Variants in KIF26A observed in about 807,000 individuals in gnomAD.
KIF26A encodes the protein kinesin family member 26A, also known as kinesin-like protein KIF26A.
A neutral mutation model predicts 126.0 loss-of-function variants in KIF26A; 74 were observed. The ratio of observed to expected loss-of-function variants is 0.59; its 90% CI spans 0.49 to 0.71. The LOEUF (loss-of-function observed/expected upper bound fraction) is 0.71. Among genes scored for constraint, KIF26A ranks in the 30% least tolerant of loss-of-function variants. The pLI is 0.00. For missense variants in KIF26A, 2,984 were observed against 2,763.3 expected (o/e 1.08, Z -1.79); for synonymous variants, 1,445 against 1,232.7 (o/e 1.17, Z -3.61).
chr14:104,163,448 G>C (rs556054834), intron 4 of KIF26A, among the ~76,000 whole-genome samples: 1 of 152,118 alleles, frequency 6.6e-6, no homozygotes, highest in Non-Finnish European at 1.5e-5. Flanking sequence ...TTTGGGCGAC[G>C]AGGGCACAAG....
chr14:104,160,188 C>T (rs892525476), intron 4 of KIF26A, among the ~76,000 whole-genome samples: 3 of 152,150 alleles, frequency 2.0e-5, no homozygotes, highest in African/African-American at 4.8e-5. Context: ...TCTCAGGGAG[C>T]GGGCTTTGAG....
At chr14:104,155,540 C>G (rs1463577052) in intron 3 of KIF26A, among the ~76,000 whole-genome samples, 1 of 152,120 alleles carries the variant, frequency 6.6e-6, no homozygotes, top group Non-Finnish European at 1.5e-5. Flanking sequence ...CGCCCGCCCC[C>G]CCTCTCTTCT....
chr14:104,176,008 A>T lies in KIF26A; in HGVS notation c.3220A>T (p.Ser1074Cys). Residue 1074 changes from serine to cysteine, a missense_variant, in exon 12 of 15, where the codon AGC (serine) becomes TGC (cysteine). Coordinates refer to ENST00000423312, the MANE Select transcript of KIF26A (RefSeq NM_015656.2). ...RALASGSRPV[S>C]IISSINDEFD... is the part of the protein sequence containing the mutation. ...CCTGGCCTCGGGGTCCCGGCCAGTC[A>T]GCATCATCAGCAGCATCAATGATGA... 1 of 1,587,970 alleles carries T rather than the reference A, an allele frequency of 6.3e-7. No individual in the cohort carries two copies. Among genetic ancestry groups the T allele is most frequent in the Non-Finnish European group, 8.5e-7 (1 of 1,173,224 alleles).
chr14:104,144,989 C>T (rs11626880), intron 2 of KIF26A, among the ~76,000 whole-genome samples: 16,762 of 152,212 alleles, frequency 0.11, 1,054 homozygotes, highest in Middle Eastern at 0.15. Context: ...GGTCTGGCCT[C>T]TGGAAGTCCT....
intron 4 of KIF26A, among the ~76,000 whole-genome samples, chr14:104,160,480 G>A (rs2037823289): frequency 6.6e-6 from 1 of 152,230 alleles, no homozygotes; most frequent in South Asian, 2.1e-4. Flanking sequence ...CATAGATAGA[G>A]CAGGGGCTGA....
chr14:104,178,413 G>A (rs993910717), intron 12 of KIF26A, 137 bp from the exon 13 acceptor site: 15 of 643,534 alleles, frequency 2.3e-5, no homozygotes, highest in African/African-American at 2.1e-4. Context: ...TGGGCAGAGC[G>A]CCAGCCTGAG....
intron 2 of KIF26A, among the ~76,000 whole-genome samples, chr14:104,143,312 C>G (rs1484586412): frequency 6.6e-6 from 1 of 152,192 alleles, no homozygotes; most frequent in Non-Finnish European, 1.5e-5. Context: ...TCCGGGTGGC[C>G]CCTGTGTACA....
At chr14:104,139,470 C>G (rs1328974107) in intron 2 of KIF26A, among the ~76,000 whole-genome samples, 182 bp downstream of exon 2, 1 of 152,234 alleles carries the variant, frequency 6.6e-6, no homozygotes, top group Admixed American at 6.5e-5. Context: ...CATGTGTGAG[C>G]TAGGGAGCTC....
intron 4 of KIF26A, among the ~76,000 whole-genome samples, chr14:104,165,269 ATCTC>A (rs1220096584): frequency 2.3e-5 from 3 of 130,482 alleles, no homozygotes; most frequent in African/African-American, 9.0e-5. Flanking sequence ...GTGTGTCTGT[ATCTC>A]TATGCATGTG....
chr14:104,143,189 G>GC (rs986369588), intron 2 of KIF26A, among the ~76,000 whole-genome samples: 1 of 152,196 alleles, frequency 6.6e-6, no homozygotes, highest in Non-Finnish European at 1.5e-5. Context: ...TCATCCTTAT[G>GC]CCCCCAAGAG....
In KIF26A at chr14:104,173,779, G is replaced by A. The variant is rs1223513704; in HGVS notation, c.1941G>A (p.Glu647=). 6.2e-7 allele frequency: 1 copy of A among 1,607,782 alleles called. No individual in the cohort carries two copies. Among genetic ancestry groups the A allele is most frequent in the Non-Finnish European group, 8.5e-7 (1 of 1,179,446 alleles). Residue 647 remains glutamate (E), a synonymous_variant, in exon 10 of 15, where the codon GAG becomes GAA. Transcript: ENST00000423312. Reference sequence around the variant, plus strand: ...AGGCGGCGGCTGGCAGGGCCGGGGAGGCTGCTGGGGGTCCCCTGTGTCTGT... The same window carrying A: ...AGGCGGCGGCTGGCAGGGCCGGGGAAGCTGCTGGGGGTCCCCTGTGTCTGT... ...SCEAAAGRAG[E]AAGGPLCLSL...
chr14:104,172,924 T>G, intron 7 of KIF26A, 53 bp from the exon 8 acceptor site: 1 of 1,508,500 alleles, frequency 6.6e-7, no homozygotes, highest in Non-Finnish European at 8.9e-7. Context: ...CCAGTAGCCA[T>G]AAAGGCTCCT....
intron 5 of KIF26A, among the ~76,000 whole-genome samples, chr14:104,170,492 G>T (rs555939009): frequency 2.0e-5 from 3 of 152,222 alleles, no homozygotes; most frequent in Non-Finnish European, 2.9e-5. Flanking sequence ...TTTTGCCGGC[G>T]TTATGTATCT....
At chr14:104,146,294 G>A (rs1386620001) in intron 2 of KIF26A, among the ~76,000 whole-genome samples, 1 of 152,170 alleles carries the variant, frequency 6.6e-6, no homozygotes, top group Admixed American at 6.5e-5. Context: ...TTGCCTGCTG[G>A]GTGATTGGGA....
In KIF26A at chr14:104,165,557, CTG is replaced by C. The variant is rs528990853; in HGVS notation, c.924-1296_924-1295del. 6.7e-5 allele frequency among the ~76,000 whole-genome samples: 9 copies of C among 135,058 alleles called. No individual in the cohort carries two copies. In the East Asian group the frequency reaches 6.7e-4, roughly 10 times the overall value. 88.6% of individuals were successfully genotyped at this position (135,058 alleles called of 152,430 possible). On this transcript the variant is annotated intron_variant, in intron 4 of 14. Transcript: ENST00000423312. The stretch of plus-strand genomic sequence containing the variant: ...TTTGTGTCTATGCGTGTGTGTGTGT[CTG>C]TGTGTTTCTGTATGCATGTGTGTGT...
chr14:104,143,747 C>T (rs1233471368), intron 2 of KIF26A, among the ~76,000 whole-genome samples: 1 of 152,256 alleles, frequency 6.6e-6, no homozygotes, highest in African/African-American at 2.4e-5. Flanking sequence ...GAGCCTGGCC[C>T]GGCTTCCACT....
chr14:104,177,440 G>A lies in KIF26A; in HGVS notation c.4652G>A (p.Gly1551Asp). Residue 1551 changes from glycine to aspartate, a missense_variant, in exon 12 of 15, where the codon GGT becomes GAT. Gly to Asp is a moderately conservative substitution (Grantham distance 94). Transcript: ENST00000423312. ...GPSVGAKAGR[G>D]TVMGTKQALR... The stretch of plus-strand genomic sequence containing the variant: ...AGTGTCGGGGCGAAGGCTGGCCGGG[G>A]TACCGTCATGGGCACAAAGCAGGCG... The A allele has an allele frequency of 6.6e-7, 1 of 1,521,678 alleles. No individual in the cohort carries two copies. The allele number at this position is 1,521,678 out of a possible 1,614,324, so 94.3% of individuals were successfully genotyped here. A position where few individuals can be genotyped will look rare whatever the true frequency, so the allele number is the denominator to read the frequency against.
intron 3 of KIF26A, among the ~76,000 whole-genome samples, chr14:104,155,698 G>A (rs572555230): frequency 1.3e-5 from 2 of 152,374 alleles, no homozygotes; most frequent in African/African-American, 2.4e-5. Context: ...TCCCGGCAGC[G>A]CGTGGGACGG....
Position 104,152,583 on chromosome 14 carries a change from G to C in KIF26A, c.735+122G>C, listed in dbSNP as rs1176512888. 1.8e-5 allele frequency: 16 copies of C among 889,232 alleles called. No homozygotes were observed. The East Asian group carries it at 2.2e-4, about 12-fold the overall frequency. The allele number at this position is 889,232 out of a possible 1,614,324, so 55.1% of individuals were successfully genotyped here. On this transcript the variant is annotated intron_variant, in intron 3 of 14. Coordinates refer to ENST00000423312, the MANE Select transcript of KIF26A (RefSeq NM_015656.2). This position sits in a 1 kb window ranked among gnomAD's most constrained non-coding sequence, Gnocchi z 5.9. ...GGCTTCCCTGAAGGGAGGGGACGGCGGGCATGGGGGTTCCTGACACTCCTG... is the reference window on the plus strand; with the variant it reads ...GGCTTCCCTGAAGGGAGGGGACGGCCGGCATGGGGGTTCCTGACACTCCTG...
Sources: gnomAD v4.1 joint callset for allele counts (sites outside exome capture counted in the v4.1 genomes callset) on GRCh38, gnomAD v4.1.1 for gene constraint, Gnocchi (gnomAD v3.1) non-coding constraint, MANE v1.5 for transcripts, NCBI Gene and HGNC (gene_info 2026-07-23, HGNC 2026-07-21) for gene names.